LARP7: variants seen among roughly 807,000 people sequenced by gnomAD.
LARP7 encodes la-related protein 7.
A neutral mutation model predicts 69.3 loss-of-function variants in LARP7; 52 were observed. That is an observed-to-expected ratio of 0.75 (90% confidence interval 0.60 to 0.95). The LOEUF is 0.95. LARP7 is among the 40% of genes least tolerant of loss of function. LARP7 has a pLI of 0.00. For missense variants in LARP7, 733 were observed against 673.0 expected (o/e 1.09, Z -0.99); for synonymous variants, 254 against 215.9 (o/e 1.18, Z -1.55).
chr4:112,650,615 C>T, intron 10 of LARP7, 33 bp downstream of exon 10: 1 of 1,577,132 alleles, frequency 6.3e-7, no homozygotes, highest in Non-Finnish European at 8.6e-7. Flanking sequence ...GTATTTGTTC[C>T]TTTCTTCTCT....
chr4:112,647,148 A>T, intron 6 of LARP7, 21 bp downstream of exon 6: 1 of 1,598,594 alleles, frequency 6.3e-7, no homozygotes, highest in Non-Finnish European at 8.5e-7. Flanking sequence ...TTCAATATTT[A>T]AATAGGTGTA....
intron 1 of LARP7, among the ~76,000 whole-genome samples, chr4:112,644,139 G>T (rs1486036665): frequency 6.6e-6 from 1 of 151,676 alleles, no homozygotes; most frequent in Non-Finnish European, 1.5e-5. Context: ...CTACTTGGGA[G>T]ACTGAGGCAG....
intron 7 of LARP7, 64 bp downstream of exon 7, chr4:112,647,613 T>TTAGTTTTTAATTAAA: frequency 6.8e-7 from 1 of 1,470,920 alleles, no homozygotes; most frequent in Non-Finnish European, 9.0e-7. Context: ...TTTTAATTAA[T>TTAGTTTTTAATTAAA]TAGGTTTTAA....
intron 10 of LARP7, 23 bp downstream of exon 10, chr4:112,650,605 G>T (rs76696401): frequency 1.1e-5 from 17 of 1,597,090 alleles, no homozygotes; most frequent in African/African-American, 2.7e-5. Flanking sequence ...AGCCCCTAGG[G>T]TATTTGTTCC....
chr4:112,638,999 C>G (rs1210250599), intron 1 of LARP7, among the ~76,000 whole-genome samples: 1 of 152,140 alleles, frequency 6.6e-6, no homozygotes, highest in African/African-American at 2.4e-5. Flanking sequence ...GAAATTCTAC[C>G]AAAAGGTAGA....
In LARP7 at chr4:112,646,821, T is replaced by A. The variant is rs2149263733; in HGVS notation, c.418T>A (p.Trp140Arg). Residue 140 changes from tryptophan to arginine, a missense_variant, in exon 5 of 13, where the codon TGG (tryptophan) becomes AGG (arginine). Coordinates refer to ENST00000344442, the MANE Select transcript of LARP7 (RefSeq NM_016648.4). The part of the protein sequence containing the change: ...ELLPKNVNHS[W>R]IERVFGKCGN... ...ACTTCCCAAAAATGTTAATCACAGC[T>A]GGATTGAAAGAGTATTTGGGAAATG... 6.2e-7 allele frequency: 1 copy of A among 1,600,242 alleles called. No individual in the cohort carries two copies. The highest frequency in any genetic ancestry group is 2.2e-5 in the East Asian group (1 of 44,792).
rs144267849 is a variant in LARP7, at chr4:112,650,566, G to T, written c.1400G>T (p.Gly467Val). The change falls in exon 10 of 13, where the codon GGC (glycine) becomes GTC (valine). Residue 467 changes from glycine (G) to valine (V), a missense_variant. Coordinates refer to ENST00000344442, the MANE Select transcript of LARP7 (RefSeq NM_016648.4). ...ATCATTAGCACAGAGCCTCTACCTG[G>T]CAGGAAACAAGTCCGGGTAATGATT... The part of the protein sequence containing the change: ...VKIISTEPLP[G>V]RKQVRDTLAA... 9 of 1,613,268 alleles carry T rather than the reference G, an allele frequency of 5.6e-6. No individual in the cohort carries two copies. The African/African-American group carries it at 1.2e-4, about 22-fold the overall frequency.
chr4:112,646,695 C>T (rs541135042), intron 4 of LARP7, 24 bp downstream of exon 4: 3 of 1,566,530 alleles, frequency 1.9e-6, no homozygotes, highest in South Asian at 2.4e-5. Context: ...CCCGGGTCCC[C>T]AGTCAGAAAC....
chr4:112,642,755 A>G (rs2048010803), intron 1 of LARP7, among the ~76,000 whole-genome samples: 1 of 152,206 alleles, frequency 6.6e-6, no homozygotes, highest in South Asian at 2.1e-4. Context: ...TGCCTTCCCT[A>G]GATAAGGACC....
At chr4:112,639,031 TG>T (rs2047845469) in intron 1 of LARP7, among the ~76,000 whole-genome samples, 1 of 152,176 alleles carries the variant, frequency 6.6e-6, no homozygotes, top group Admixed American at 6.5e-5. Flanking sequence ...CAAACATACC[TG>T]GGACAACTTA....
At chr4:112,653,506 CAG>C (rs1397499981) in intron 11 of LARP7, among the ~76,000 whole-genome samples, 4 of 151,872 alleles carry the variant, frequency 2.6e-5, no homozygotes, top group Middle Eastern at 3.2e-3. Flanking sequence ...TTTTTTGAGA[CAG>C]AGTTTCGCTC....
chr4:112,649,025 T>C (rs372969268), intron 8 of LARP7, among the ~76,000 whole-genome samples: 1 of 152,032 alleles, frequency 6.6e-6, no homozygotes, highest in South Asian at 2.1e-4. Flanking sequence ...AGAAAGGCAT[T>C]GTGTTTCTAT....
chr4:112,645,104 G>A (rs929659281), intron 2 of LARP7, among the ~76,000 whole-genome samples: 1 of 151,732 alleles, frequency 6.6e-6, no homozygotes, highest in Non-Finnish European at 1.5e-5. Flanking sequence ...GCACCACCAT[G>A]CCCGGCTAAT....
intron 1 of LARP7, among the ~76,000 whole-genome samples, chr4:112,639,785 A>T (rs552734174): frequency 6.6e-6 from 1 of 152,318 alleles, no homozygotes; most frequent in East Asian, 1.9e-4. Flanking sequence ...AGCCATTTCA[A>T]AAGTCAAACT....
At chr4:112,652,191 C>T (rs1308596242) in intron 10 of LARP7, among the ~76,000 whole-genome samples, 3 of 151,120 alleles carry the variant, frequency 2.0e-5, no homozygotes, top group Non-Finnish European at 4.4e-5. Flanking sequence ...TCAGTTCTTT[C>T]CGTAATTCAA....
intron 8 of LARP7, 50 bp downstream of exon 8, chr4:112,647,884 T>TGTCATTG: frequency 7.7e-7 from 1 of 1,300,824 alleles, no homozygotes; most frequent in African/African-American, 1.5e-5. Context: ...CCATCACCAT[T>TGTCATTG]GCTAAAGTGC....
intron 1 of LARP7, among the ~76,000 whole-genome samples, chr4:112,640,338 T>A (rs2047912139): frequency 6.6e-6 from 1 of 152,210 alleles, no homozygotes; most frequent in African/African-American, 2.4e-5. Context: ...AACAGATACT[T>A]AGGTACTGAT....
At chr4:112,646,101 TCGA>T (rs2048209436) in intron 2 of LARP7, among the ~76,000 whole-genome samples, 1 of 151,944 alleles carries the variant, frequency 6.6e-6, no homozygotes, top group South Asian at 2.1e-4. Flanking sequence ...TACCTCACTC[TCGA>T]GTAGCTGGGA....
rs1347416428 is a variant in LARP7 at position 112,643,497 on chromosome 4, G to A, written c.-2-1171G>A. On this transcript the variant is annotated intron_variant, in intron 1 of 12. Coordinates refer to ENST00000344442, the MANE Select transcript of LARP7 (RefSeq NM_016648.4). ...ATACTGAAAGTAACTTGAGGAAGGA[G>A]GGGGTTAGAAATTGCTGCCCAAGAA... 2.6e-5 allele frequency among the ~76,000 whole-genome samples: 4 copies of A among 152,200 alleles called. No homozygotes were observed. The East Asian group carries it at 5.8e-4, about 22-fold the overall frequency.
Sources: allele counts gnomAD v4.1 joint callset (sites outside exome capture counted in the v4.1 genomes callset), GRCh38; gene constraint gnomAD v4.1.1; transcripts MANE v1.5; gene names NCBI Gene and HGNC (gene_info 2026-07-23, HGNC 2026-07-21).